GUCY2F: variants seen among roughly 807,000 people sequenced by gnomAD.
The protein encoded by GUCY2F is retinal guanylyl cyclase 2.
A neutral mutation model predicts 73.1 loss-of-function variants in GUCY2F; 61 were observed. The observed-to-expected ratio is 0.83, with a 90% CI of 0.68 to 1.03. The LOEUF (loss-of-function observed/expected upper bound fraction) is 1.03, where lower values mean the gene tolerates loss of function less well. GUCY2F is among the 50% of genes least tolerant of loss of function. GUCY2F has a pLI of 0.00. For synonymous variants in GUCY2F, 331 were observed against 307.8 expected, an observed-to-expected ratio of 1.08 and a Z score of -0.79; for missense variants, 912 against 854.3, an observed-to-expected ratio of 1.07 and a Z score of -0.84.
At chrX:109,425,122 G>A (rs763296409) in intron 8 of GUCY2F, among the ~76,000 whole-genome samples, 5 of 111,589 alleles carry the variant, frequency 4.5e-5, no homozygotes, top group South Asian at 7.4e-4. Flanking sequence ...CAACTACTAC[G>A]GAAAACAGTG....
Position 109,453,785 on chromosome X carries a change from T to C in GUCY2F, c.1107A>G (p.Glu369=). ...GGCTGGCAGCACCAGCCTGTCCATT[T>C]TCTTTCATAGCATTATTCATGGCTT... ...IAQAMNNAMK[E]NGQAGAASLV... is the part of the protein sequence containing the mutation. The change falls in exon 4 of 20, where the codon GAA becomes GAG. Residue 369 remains glutamate (E), a synonymous_variant. Transcript: ENST00000218006. 8.3e-7 allele frequency: 1 copy of C among 1,207,494 alleles called. No homozygotes were observed.
At chrX:109,470,004 CCAAGTAG>C (rs763795589) in intron 2 of GUCY2F, among the ~76,000 whole-genome samples, 1 of 111,935 alleles carries the variant, frequency 8.9e-6, no homozygotes, top group African/African-American at 3.2e-5. Context: ...TTGAACTGGT[CCAAGTAG>C]CTCAGCATGA....
chrX:109,481,833 C>T (rs1214134122), intron 1 of GUCY2F, 33 bp downstream of exon 1: 1 of 110,429 alleles, frequency 9.1e-6, no homozygotes, highest in Non-Finnish European at 1.9e-5. Context: ...CCATTACAAT[C>T]TTTCTTATAA....
intron 7 of GUCY2F, among the ~76,000 whole-genome samples, chrX:109,438,633 G>C (rs994036687): frequency 8.8e-6 from 1 of 113,095 alleles, no homozygotes; most frequent in African/African-American, 3.2e-5. Context: ...TGGGGTGGGT[G>C]TTGGGCCCCC....
intron 14 of GUCY2F, among the ~76,000 whole-genome samples, chrX:109,390,982 C>G (rs1445796598): frequency 8.9e-6 from 1 of 112,476 alleles, no homozygotes. Flanking sequence ...ACATTTCAGA[C>G]TACTGTGAAG....
At position 109,382,212 on chromosome X, in the gene GUCY2F, G is replaced by C; in HGVS notation, c.3056C>G (p.Pro1019Arg). The C allele has an allele frequency of 1.8e-6, 2 of 1,126,342 alleles. No individual in the cohort carries two copies. Among genetic ancestry groups the C allele is most frequent in the Non-Finnish European group, 2.4e-6 (2 of 819,589 alleles). 92.8% of individuals were successfully genotyped at this position (1,126,342 alleles called of 1,213,427 possible). Residue 1019 changes from proline (P) to arginine (R), a missense_variant and splice_region_variant, in exon 17 of 20, where the codon CCT becomes CGT. By Grantham distance (103) the Pro-to-Arg change is moderately radical (BLOSUM62 -2). Coordinates refer to ENST00000218006, the MANE Select transcript of GUCY2F (RefSeq NM_001522.3). ...GCTGAGACTGACATGAATGCGATAA[G>C]CTGCAAAAGAAGGAGAGACATGATT... Reference protein sequence around the residue: ...TASRMESTGLPYRIHVSLSTV... With the variant: ...TASRMESTGLRYRIHVSLSTV...
intron 17 of GUCY2F, among the ~76,000 whole-genome samples, chrX:109,381,218 T>C (rs1007503801): frequency 2.9e-4 from 33 of 112,660 alleles, no homozygotes; most frequent in African/African-American, 1.1e-3. Flanking sequence ...CAGAAGCTAA[T>C]TGTGCATCAC....
At position 109,376,062 on chromosome X, in the gene GUCY2F, A is replaced by G. The variant is rs1414367596; in HGVS notation, c.3239+17T>C. 1 of 1,170,328 alleles carries G rather than the reference A, an allele frequency of 8.5e-7. No homozygotes were observed. ...TATGGCATAGGAAGACTCCAATTAA[A>G]TGTGAACTCCACTTACCCATCTTTG... On this transcript the variant is annotated intron_variant, in intron 18 of 19. Coordinates refer to ENST00000218006, the MANE Select transcript of GUCY2F (RefSeq NM_001522.3).
At chrX:109,452,760 A>G (rs2147277236) in intron 4 of GUCY2F, among the ~76,000 whole-genome samples, 1 of 111,956 alleles carries the variant, frequency 8.9e-6, no homozygotes, top group African/African-American at 3.2e-5. Context: ...TGGTTTTAAA[A>G]GTGTATGGTA....
In GUCY2F at chrX:109,441,466, C is replaced by T; in HGVS notation, c.1586G>A (p.Ser529Asn). The change falls in exon 7 of 20, where the codon AGT becomes AAT. Residue 529 changes from serine (S) to asparagine (N), a missense_variant. Physicochemically the swap from Ser to Asn is conservative, Grantham distance 46 (BLOSUM62 1). Coordinates refer to ENST00000218006, the MANE Select transcript of GUCY2F (RefSeq NM_001522.3). ...CTCTGAGGTAATCTGGAAGCTTACA[C>T]TGGCACGACTTCCTCTCTGTGAAAG... Reference protein sequence around the residue: ...HFGSKRGSRASVSFQITSEVQ... With the variant: ...HFGSKRGSRANVSFQITSEVQ... The T allele has an allele frequency of 3.4e-6, 4 of 1,177,718 alleles. No individual in the cohort carries two copies. Among genetic ancestry groups the T allele is most frequent in the Non-Finnish European group, 3.4e-6 (3 of 877,012 alleles).
chrX:109,393,479 A>C (rs1930624050), intron 12 of GUCY2F, among the ~76,000 whole-genome samples: 1 of 111,121 alleles, frequency 9.0e-6, no homozygotes, highest in Non-Finnish European at 1.9e-5. Flanking sequence ...CAGTTTACTA[A>C]ATCATTCTTA....
chrX:109,473,916 A>G (rs1182276864), intron 2 of GUCY2F, among the ~76,000 whole-genome samples: 1 of 112,488 alleles, frequency 8.9e-6, no homozygotes, highest in East Asian at 2.8e-4. Flanking sequence ...AAATGATTTT[A>G]TGTCTTTCAA....
chrX:109,396,472 C>T (rs1442534942), intron 11 of GUCY2F, among the ~76,000 whole-genome samples: 3 of 111,634 alleles, frequency 2.7e-5, no homozygotes, highest in African/African-American at 6.5e-5. Context: ...CTGGCCGTAT[C>T]ACTTTCTTGC....
rs755436884 is a variant in GUCY2F, at chrX:109,447,467, C to T, written c.1569+602G>A. ...GCCATAAAAAATGATGAGTTCATGT[C>T]CTTTGTAGGGACATGGATGAAGCTG... On this transcript the variant is annotated intron_variant, in intron 6 of 19. Coordinates refer to ENST00000218006, the MANE Select transcript of GUCY2F (RefSeq NM_001522.3). Among the ~76,000 whole-genome samples, 4 of 110,037 alleles carry T rather than the reference C, an allele frequency of 3.6e-5. No individual in the cohort carries two copies. The East Asian group carries it at 8.6e-4, about 24-fold the overall frequency.
In GUCY2F at chrX:109,385,088, A is replaced by G. The variant is rs1930405050; in HGVS notation, c.3055+96T>C. 1.1e-5 allele frequency: 5 copies of G among 448,965 alleles called. No individual in the cohort carries two copies. In the South Asian group the frequency reaches 2.2e-4, roughly 20 times the overall value. The allele number at this position is 448,965 out of a possible 1,213,427, so 37.0% of individuals were successfully genotyped here. The stretch of plus-strand genomic sequence containing the variant: ...TTATTTTTCTTTAAAACATTGAAAC[A>G]TCAAGTATCCTGCTCTCTTTCACCT... On this transcript the variant is annotated intron_variant, in intron 16 of 19. Coordinates refer to ENST00000218006, the MANE Select transcript of GUCY2F (RefSeq NM_001522.3).
At chrX:109,379,384 C>CA (rs3831758) in intron 17 of GUCY2F, among the ~76,000 whole-genome samples, 99 of 105,674 alleles carry the variant, frequency 9.4e-4, no homozygotes, top group African/African-American at 3.0e-3. Context: ...GTTCTCACCA[C>CA]AAAAAAAAAA....
At chrX:109,474,249 T>G (rs1932634105) in intron 2 of GUCY2F, among the ~76,000 whole-genome samples, 1 of 112,101 alleles carries the variant, frequency 8.9e-6, no homozygotes, top group Non-Finnish European at 1.9e-5. Context: ...GTTTGTCAAA[T>G]AGTTTCTGAG....
At chrX:109,398,299 C>G (rs761591006) in intron 11 of GUCY2F, among the ~76,000 whole-genome samples, 38 of 111,069 alleles carry the variant, frequency 3.4e-4, no homozygotes, top group Non-Finnish European at 6.6e-4. Context: ...ACAAAAGGGA[C>G]TGGCATCAGT....
At chrX:109,471,788 T>C in intron 2 of GUCY2F, among the ~76,000 whole-genome samples, 1 of 112,266 alleles carries the variant, frequency 8.9e-6, no homozygotes, top group Non-Finnish European at 1.9e-5. Flanking sequence ...CATATGTACT[T>C]ATTACTGTGA....
Sources: allele counts gnomAD v4.1 joint callset (sites outside exome capture counted in the v4.1 genomes callset), GRCh38; gene constraint gnomAD v4.1.1; transcripts MANE v1.5; gene names NCBI Gene and HGNC (gene_info 2026-07-23, HGNC 2026-07-21).